The following SYT17 variants were observed in gnomAD, a reference collection of about 807,000 sequenced individuals.
SYT17 encodes the protein synaptotagmin 17.
Under a neutral mutation model 46.7 loss-of-function variants are expected in SYT17, and 22 were observed. That is an observed-to-expected ratio of 0.47 (90% CI 0.34 to 0.67). The LOEUF (loss-of-function observed/expected upper bound fraction) is 0.67, where lower values mean the gene tolerates loss of function less well. SYT17 is among the 30% of genes least tolerant of loss of function. The probability of loss-of-function intolerance (pLI) is 0.01; values close to 1 mark genes in which losing one functional copy is unlikely to be tolerated. For missense variants in SYT17, 519 were observed against 612.8 expected (o/e 0.85, Z 1.62); for synonymous variants, 251 against 248.4 (o/e 1.01, Z -0.10).
intron 7 of SYT17, among the ~76,000 whole-genome samples, chr16:19,232,774 G>C (rs909161903): frequency 6.6e-6 from 1 of 152,056 alleles, no homozygotes; most frequent in African/African-American, 2.4e-5. Context: ...GGAGGTTGCA[G>C]TGACCCGAGA....
At chr16:19,179,569 T>C (rs1964463171) in intron 3 of SYT17, among the ~76,000 whole-genome samples, 1 of 152,240 alleles carries the variant, frequency 6.6e-6, no homozygotes, top group Non-Finnish European at 1.5e-5. Flanking sequence ...GCTCGGCCTC[T>C]ACGCATTTTA....
At chr16:19,261,688 T>A (rs1282950267) in intron 7 of SYT17, among the ~76,000 whole-genome samples, 5 of 152,236 alleles carry the variant, frequency 3.3e-5, no homozygotes. Context: ...GTGGTGAACA[T>A]CCATATTGTT....
chr16:19,233,907 C>T (rs1485320196), intron 7 of SYT17, among the ~76,000 whole-genome samples: 2 of 152,158 alleles, frequency 1.3e-5, no homozygotes, highest in Non-Finnish European at 2.9e-5. Context: ...CATGCAGCAG[C>T]CTCTGTCTTT....
At chr16:19,257,046 G>A (rs1450556067) in intron 7 of SYT17, among the ~76,000 whole-genome samples, 5 of 152,082 alleles carry the variant, frequency 3.3e-5, no homozygotes, top group Non-Finnish European at 2.9e-5. Flanking sequence ...ATGGATTTAA[G>A]TTTAAAAAAG....
At position 19,216,985 on chromosome 16, in the gene SYT17, A is replaced by G. The variant is rs2142834943; in HGVS notation, c.952-6060A>G. On this transcript the variant is annotated intron_variant, in intron 5 of 7. Coordinates refer to ENST00000355377, the MANE Select transcript of SYT17 (RefSeq NM_016524.4). ...TCTTCCACAATGGTTGAACTAATTT[A>G]CACTCCTGCCAACAGTGTAAAAGCT... 3.3e-5 allele frequency among the ~76,000 whole-genome samples: 5 copies of G among 152,248 alleles called. No homozygotes were observed. In the Middle Eastern group the frequency reaches 0.017, roughly 518 times the overall value.
intron 5 of SYT17, among the ~76,000 whole-genome samples, chr16:19,197,665 A>G (rs1204448453): frequency 1.3e-5 from 2 of 152,144 alleles, no homozygotes; most frequent in Non-Finnish European, 2.9e-5. Flanking sequence ...AGCTCAAGCA[A>G]TCCACCTGCC....
intron 3 of SYT17, 39 bp downstream of exon 3, chr16:19,173,617 C>T: frequency 6.2e-7 from 1 of 1,602,784 alleles, no homozygotes. Flanking sequence ...AAATCAATTT[C>T]AAGACTTTTC....
intron 1 of SYT17, chr16:19,170,713 G>A (rs1964047419): frequency 6.6e-6 from 1 of 152,140 alleles, no homozygotes; most frequent in South Asian, 2.1e-4. Context: ...CACATGTCTA[G>A]GAAATGCTTC....
intron 5 of SYT17, among the ~76,000 whole-genome samples, chr16:19,200,300 C>A (rs564313993): frequency 6.6e-6 from 1 of 152,178 alleles, no homozygotes. Context: ...CTAGGAAACA[C>A]ATTTTAGAAA....
At position 19,183,599 on chromosome 16, in the gene SYT17, A is replaced by G; in HGVS notation, c.403A>G (p.Lys135Glu). 6.2e-7 allele frequency: 1 copy of G among 1,614,192 alleles called. No individual in the cohort carries two copies. The highest frequency in any genetic ancestry group is 8.5e-7 in the Non-Finnish European group (1 of 1,180,036). ...CATCGAGTTTGGCGTTCTCAGCGCCAAGAAGGAGCCCATCCAACCTTCGGT... is the reference window on the plus strand; with the variant it reads ...CATCGAGTTTGGCGTTCTCAGCGCCGAGAAGGAGCCCATCCAACCTTCGGT... ...KPIEFGVLSA[K>E]KEPIQPSVLR... is the part of the protein sequence containing the mutation. Residue 135 changes from lysine (K) to glutamate (E), a missense_variant, in exon 5 of 8, where the codon AAG becomes GAG. By Grantham distance (56) the Lys-to-Glu change is moderately conservative. Transcript: ENST00000355377. This position sits in a 1 kb window ranked among gnomAD's most constrained non-coding sequence, Gnocchi z 5.6.
intron 5 of SYT17, among the ~76,000 whole-genome samples, chr16:19,207,024 TAGTA>T (rs977149918): frequency 4.6e-5 from 7 of 152,146 alleles, no homozygotes; most frequent in African/African-American, 1.7e-4. Flanking sequence ...ATCCTCATGG[TAGTA>T]AGTGAGTTCT....
chr16:19,212,084 C>T (rs1415375333), intron 5 of SYT17, among the ~76,000 whole-genome samples: 1 of 152,134 alleles, frequency 6.6e-6, no homozygotes, highest in Non-Finnish European at 1.5e-5. Flanking sequence ...GATTTTTGCC[C>T]TCAGTGGACA....
chr16:19,227,959 T>TGAATACAAATGG (rs1229156274), intron 7 of SYT17, among the ~76,000 whole-genome samples: 1 of 152,170 alleles, frequency 6.6e-6, no homozygotes. Context: ...CAGATCAATA[T>TGAATACAAATGG]GAATACAAAT....
chr16:19,261,957 G>A lies in SYT17; in HGVS notation c.1229-4923G>A, dbSNP rs926493482. Among the ~76,000 whole-genome samples, 53 of 152,228 alleles carry A rather than the reference G, an allele frequency of 3.5e-4. 2 individuals are homozygous for A. Among genetic ancestry groups the A allele is most frequent in the African/African-American group, 1.3e-3 (52 of 41,518 alleles). ...CATGAGCTCAAGTAGGCTACTAGGA[G>A]GTGACCTCAGGAAGCTTGAATAAGG... On this transcript the variant is annotated intron_variant, in intron 7 of 7. Transcript: ENST00000355377.
intron 5 of SYT17, among the ~76,000 whole-genome samples, chr16:19,199,156 T>G (rs1408344925): frequency 3.3e-5 from 5 of 152,136 alleles, no homozygotes; most frequent in African/African-American, 1.2e-4. Flanking sequence ...CCCTTGAGAC[T>G]CTCATCGTAG....
rs560691345 is a variant in SYT17, at chr16:19,182,133, G to A, written c.332-1395G>A. ...ATAAAATATTAAAATTAATTTTGCA[G>A]GCTGGGCGCGGTGGCTCACGCCTGT... On this transcript the variant is annotated intron_variant, in intron 4 of 7. Coordinates refer to ENST00000355377, the MANE Select transcript of SYT17 (RefSeq NM_016524.4). Among the ~76,000 whole-genome samples, 107 of 152,024 alleles carry A rather than the reference G, an allele frequency of 7.0e-4. No homozygotes were observed. In the Middle Eastern group the frequency reaches 0.01, roughly 15 times the overall value.
intron 7 of SYT17, among the ~76,000 whole-genome samples, chr16:19,242,126 C>A (rs1325868305): frequency 6.6e-6 from 1 of 152,190 alleles, no homozygotes; most frequent in East Asian, 1.9e-4. Context: ...TTAGCCCCTG[C>A]TTTGTTGAGG....
Position 19,212,201 on chromosome 16 carries a change from G to A in SYT17, c.952-10844G>A, listed in dbSNP as rs111926059. ...GAGATGCTGCTAAACTTCCTGTAGCGCACAGGACAGCTCCCACAACACAGA... is the reference window on the plus strand; with the variant it reads ...GAGATGCTGCTAAACTTCCTGTAGCACACAGGACAGCTCCCACAACACAGA... On this transcript the variant is annotated intron_variant, in intron 5 of 7. Coordinates refer to ENST00000355377, the MANE Select transcript of SYT17 (RefSeq NM_016524.4). Among the ~76,000 whole-genome samples the A allele has an allele frequency of 2.0e-3, 301 of 152,240 alleles. 2 individuals are homozygous for A. Among genetic ancestry groups the A allele is most frequent in the African/African-American group, 6.9e-3 (285 of 41,550 alleles).
chr16:19,213,841 T>TAC (rs757497475), intron 5 of SYT17, among the ~76,000 whole-genome samples: 25 of 152,192 alleles, frequency 1.6e-4, no homozygotes, highest in Non-Finnish European at 3.5e-4. Flanking sequence ...ACTGTTCTTA[T>TAC]ACCAAAAGTT....
Sources: allele counts gnomAD v4.1 joint callset (sites outside exome capture counted in the v4.1 genomes callset), GRCh38; gene constraint gnomAD v4.1.1; non-coding constraint Gnocchi (gnomAD v3.1); transcripts MANE v1.5; gene names NCBI Gene and HGNC (gene_info 2026-07-23, HGNC 2026-07-21).